DCAF8: variants seen among roughly 807,000 people sequenced by gnomAD.
DCAF8 encodes DDB1 and CUL4 associated factor 8.
Under a neutral mutation model 68.0 loss-of-function variants are expected in DCAF8, and 20 were observed. The observed-to-expected ratio is 0.29, with a 90% CI of 0.21 to 0.43. The LOEUF is 0.43. DCAF8 is among the 20% of genes least tolerant of loss of function. The pLI is 1.00. For synonymous variants in DCAF8, 230 were observed against 276.9 expected, an observed-to-expected ratio of 0.83 and a Z score of 1.68; for missense variants, 460 against 771.0, an observed-to-expected ratio of 0.60 and a Z score of 4.78.
intron 11 of DCAF8, chr1:160,221,285 T>A (rs2101715333): frequency 6.6e-6 from 1 of 152,376 alleles, no homozygotes; most frequent in South Asian, 2.1e-4. Flanking sequence ...TTTCTCTAAA[T>A]GCCTATTGCA....
intron 2 of DCAF8, among the ~76,000 whole-genome samples, chr1:160,253,647 C>CAA (rs747211563): frequency 0.074 from 1,990 of 26,890 alleles, 460 homozygotes; most frequent in East Asian, 0.13. Context: ...GACTCCATCT[C>CAA]AAAAAAAAAA....
At chr1:160,234,557 C>T (rs16831658) in intron 6 of DCAF8, among the ~76,000 whole-genome samples, 1 of 152,192 alleles carries the variant, frequency 6.6e-6, no homozygotes, top group Non-Finnish European at 1.5e-5. Flanking sequence ...AGATTCAATT[C>T]CTGGTGGCCT....
intron 2 of DCAF8, among the ~76,000 whole-genome samples, chr1:160,250,367 G>A (rs1406465254): frequency 6.6e-6 from 1 of 150,664 alleles, no homozygotes; most frequent in Non-Finnish European, 1.5e-5. Flanking sequence ...TCGGGAGGCT[G>A]AGGCAGGAGA....
At chr1:160,250,343 G>A (rs1281992642) in intron 2 of DCAF8, among the ~76,000 whole-genome samples, 2 of 151,616 alleles carry the variant, frequency 1.3e-5, no homozygotes, top group Admixed American at 1.3e-4. Context: ...GTGCATGCCT[G>A]TAATCCCAGC....
chr1:160,255,820 A>G lies in DCAF8; in HGVS notation c.-27+5465T>C, dbSNP rs549336018. Among the ~76,000 whole-genome samples the G allele has an allele frequency of 1.7e-4, 25 of 151,324 alleles. No homozygotes were observed. The East Asian group carries it at 4.7e-3, about 29-fold the overall frequency. On this transcript the variant is annotated intron_variant, in intron 2 of 13. Coordinates refer to ENST00000368074, the MANE Select transcript of DCAF8 (RefSeq NM_015726.4). ...TTTTTAGTAGACACAGGGTTTTGCT[A>G]TGTTGGCTAGGCTGGTCTCAAACTC...
At chr1:160,236,429 T>G (rs1452270902) in intron 6 of DCAF8, among the ~76,000 whole-genome samples, 1 of 150,550 alleles carries the variant, frequency 6.6e-6, no homozygotes, top group East Asian at 1.9e-4. Context: ...TATGTGTGTG[T>G]GTATGTGTGT....
chr1:160,242,741 A>G (rs985779790), intron 3 of DCAF8, among the ~76,000 whole-genome samples: 1 of 152,194 alleles, frequency 6.6e-6, no homozygotes, highest in Non-Finnish European at 1.5e-5. Flanking sequence ...AACAAAAGCA[A>G]CTCATAGACA....
intron 11 of DCAF8, chr1:160,219,961 C>T (rs1051294093): frequency 6.6e-6 from 1 of 152,256 alleles, no homozygotes; most frequent in African/African-American, 2.4e-5. Context: ...TCTTTTAGTT[C>T]TCTCTGGACC....
Position 160,237,212 on chromosome 1 carries a change from G to C in DCAF8, c.882C>G (p.Asp294Glu), listed in dbSNP as rs753796531. 3 of 1,572,666 alleles carry C rather than the reference G, an allele frequency of 1.9e-6. No homozygotes were observed. In the South Asian group the frequency reaches 3.5e-5, roughly 18 times the overall value. ...GASHKLALEP[D>E]SPCTFLSAGE... ...CTGCAGATAAGAACGTACAGGGAGA[G>C]TCTGGTTCCAGTGCCAACTGAAGAA... The change falls in exon 6 of 14, where the codon GAC becomes GAG. Residue 294 changes from aspartate to glutamate, a missense_variant. Asp to Glu is a conservative substitution (Grantham distance 45). Around this residue, in one of 8 missense-constraint regions of DCAF8, gnomAD observed 170 missense variants for 318.2 expected, o/e 0.53. Coordinates refer to ENST00000368074, the MANE Select transcript of DCAF8 (RefSeq NM_015726.4).
intron 2 of DCAF8, among the ~76,000 whole-genome samples, chr1:160,248,749 C>A (rs1656459760): frequency 6.6e-6 from 1 of 151,624 alleles, no homozygotes; most frequent in Non-Finnish European, 1.5e-5. Context: ...TTATCGCGAG[C>A]TGGATATGGT....
At chr1:160,259,531 A>AAAAC (rs59315993) in intron 2 of DCAF8, among the ~76,000 whole-genome samples, 90,200 of 150,608 alleles carry the variant, frequency 0.6, 27,523 homozygotes, top group African/African-American at 0.72. Flanking sequence ...GACTCGTCAA[A>AAAAC]AAACAAACAA....
intron 2 of DCAF8, among the ~76,000 whole-genome samples, chr1:160,250,573 GATT>G (rs1303585116): frequency 6.6e-6 from 1 of 151,860 alleles, no homozygotes; most frequent in Non-Finnish European, 1.5e-5. Context: ...TCAAGGCTGT[GATT>G]AATAGAAGTT....
intron 2 of DCAF8, among the ~76,000 whole-genome samples, chr1:160,260,675 A>G (rs905865892): frequency 6.6e-6 from 1 of 152,076 alleles, no homozygotes; most frequent in African/African-American, 2.4e-5. Context: ...CTGCTAACCA[A>G]GAATTCTTCA....
intron 2 of DCAF8, among the ~76,000 whole-genome samples, chr1:160,252,493 A>G (rs1002481806): frequency 6.6e-6 from 1 of 152,312 alleles, no homozygotes; most frequent in East Asian, 1.9e-4. Context: ...TGGTCAAGAA[A>G]CATATATGGG....
intron 11 of DCAF8, 160 bp from the exon 12 acceptor site, chr1:160,219,128 A>C: frequency 1.1e-6 from 1 of 903,690 alleles, no homozygotes; most frequent in Non-Finnish European, 1.7e-6. Context: ...AAGGGCACTG[A>C]GGGTAGAGAA....
chr1:160,217,736 C>T, intron 13 of DCAF8, 28 bp from the exon 14 acceptor site: 1 of 1,574,110 alleles, frequency 6.4e-7, no homozygotes, highest in Non-Finnish European at 8.7e-7. Flanking sequence ...TTGTTAGTAA[C>T]TTCCCTGGAT....
At chr1:160,236,066 T>C (rs1018677068) in intron 6 of DCAF8, among the ~76,000 whole-genome samples, 2 of 151,790 alleles carry the variant, frequency 1.3e-5, no homozygotes, top group African/African-American at 4.9e-5. Flanking sequence ...GCTAAAAAAA[T>C]GGTGGGGCGG....
At chr1:160,218,013 T>C in intron 13 of DCAF8, 1 of 500,362 alleles carries the variant, frequency 2.0e-6, no homozygotes, top group Non-Finnish European at 3.5e-6. Flanking sequence ...TAGGCCTCTT[T>C]TGGCATAAGA....
intron 13 of DCAF8, 71 bp from the exon 14 acceptor site, chr1:160,217,779 G>T: frequency 8.3e-7 from 1 of 1,207,344 alleles, no homozygotes; most frequent in Non-Finnish European, 1.2e-6. Flanking sequence ...GTCTTAGCCA[G>T]AATTTAGATG....
Sources: allele counts gnomAD v4.1 joint callset (sites outside exome capture counted in the v4.1 genomes callset), GRCh38; gene constraint gnomAD v4.1.1; regional missense constraint gnomAD v4.1.1; transcripts MANE v1.5; gene names NCBI Gene and HGNC (gene_info 2026-07-23, HGNC 2026-07-21).